Variants in COL25A1 observed in about 807,000 individuals in gnomAD.
COL25A1 encodes the protein collagen type XXV alpha 1 chain.
A neutral mutation model predicts 128.4 loss-of-function variants in COL25A1; 103 were observed. The ratio of observed to expected loss-of-function variants is 0.80; its 90% CI spans 0.68 to 0.94. The LOEUF (loss-of-function observed/expected upper bound fraction) is 0.94. Among genes scored for constraint, COL25A1 ranks in the 40% least tolerant of loss-of-function variants. The pLI, the probability that COL25A1 is intolerant of heterozygous loss-of-function variation, is 0.00. For synonymous variants in COL25A1, 279 were observed against 277.2 expected, an observed-to-expected ratio of 1.01 and a Z score of -0.06; for missense variants, 745 against 840.0, an observed-to-expected ratio of 0.89 and a Z score of 1.40.
rs541477915 is a variant in COL25A1, at chr4:108,824,471, A to G, written c.1792-244T>C. 2.6e-5 allele frequency among the ~76,000 whole-genome samples: 4 copies of G among 152,346 alleles called. No homozygotes were observed. In the South Asian group the frequency reaches 8.3e-4, roughly 32 times the overall value. On this transcript the variant is annotated intron_variant, in intron 34 of 37. Transcript: ENST00000399132. ...AATACAGAGTAGAAAGAATACCAGA[A>G]TACTAGTTTGAATTCTGGCAAGTTC...
chr4:109,128,678 A>C (rs1334885833), intron 3 of COL25A1, among the ~76,000 whole-genome samples: 1 of 152,228 alleles, frequency 6.6e-6, no homozygotes. Context: ...TAGGACAGTC[A>C]CTTGACACTA....
intron 8 of COL25A1, among the ~76,000 whole-genome samples, chr4:108,971,629 C>A (rs1330059510): frequency 6.6e-6 from 1 of 152,142 alleles, no homozygotes; most frequent in Non-Finnish European, 1.5e-5. Context: ...GGAGGCAAGA[C>A]TAGTGTGAGA....
intron 37 of COL25A1, among the ~76,000 whole-genome samples, chr4:108,816,945 A>G (rs997223339): frequency 1.3e-5 from 2 of 152,190 alleles, no homozygotes; most frequent in Non-Finnish European, 2.9e-5. Context: ...AGTTTTTCCT[A>G]CATAAGTCAA....
intron 3 of COL25A1, among the ~76,000 whole-genome samples, chr4:109,225,438 A>G (rs1778737590): frequency 6.6e-6 from 1 of 152,244 alleles, no homozygotes. Flanking sequence ...AGCTATTACT[A>G]AAAAGACAAA....
intron 20 of COL25A1, among the ~76,000 whole-genome samples, chr4:108,868,606 A>AAAAGAAAGAAAGAAAGAAAGAAAG (rs61280631): frequency 4.1e-5 from 6 of 146,972 alleles, no homozygotes; most frequent in African/African-American, 1.3e-4. Flanking sequence ...GAAAGAAAGA[A>AAAAGAAAGAAAGAAAGAAAGAAAG]AAAGAAAGAA....
intron 3 of COL25A1, among the ~76,000 whole-genome samples, chr4:109,171,354 G>C (rs1226295291): frequency 6.6e-6 from 1 of 152,158 alleles, no homozygotes; most frequent in African/African-American, 2.4e-5. Context: ...CCTAATCCCA[G>C]TTTGATAGTA....
At chr4:109,065,112 G>T (rs1762298574) in intron 3 of COL25A1, among the ~76,000 whole-genome samples, 1 of 152,196 alleles carries the variant, frequency 6.6e-6, no homozygotes, top group African/African-American at 2.4e-5. Flanking sequence ...CCTCGGACTG[G>T]ACTGATGGCT....
chr4:109,135,200 G>C (rs1769611939), intron 3 of COL25A1, among the ~76,000 whole-genome samples: 1 of 152,106 alleles, frequency 6.6e-6, no homozygotes, highest in South Asian at 2.1e-4. Context: ...TTTGCCAGAT[G>C]TTCCATGAAG....
chr4:109,077,870 G>A (rs1371013749), intron 3 of COL25A1, among the ~76,000 whole-genome samples: 6 of 152,156 alleles, frequency 3.9e-5, no homozygotes, highest in Non-Finnish European at 7.3e-5. Context: ...CTCCCTACTC[G>A]CTGCTTTTTG....
intron 8 of COL25A1, among the ~76,000 whole-genome samples, chr4:108,972,017 C>T (rs1328415419): frequency 6.6e-6 from 1 of 152,154 alleles, no homozygotes; most frequent in Non-Finnish European, 1.5e-5. Context: ...GTTTTTCCAG[C>T]TTCGATTTAC....
intron 19 of COL25A1, among the ~76,000 whole-genome samples, chr4:108,870,356 G>C (rs1010276609): frequency 4.6e-5 from 7 of 151,074 alleles, no homozygotes; most frequent in Non-Finnish European, 1.0e-4. Context: ...ATTGGGTGGG[G>C]AACAAAAGGA....
chr4:108,920,734 A>G, intron 11 of COL25A1, 130 bp from the exon 12 acceptor site: 1 of 379,306 alleles, frequency 2.6e-6, no homozygotes, highest in Non-Finnish European at 3.9e-6. Flanking sequence ...ATATATCAGG[A>G]AAAAAAAAGA....
At chr4:109,271,624 G>A (rs1388311731) in intron 3 of COL25A1, among the ~76,000 whole-genome samples, 1 of 152,150 alleles carries the variant, frequency 6.6e-6, no homozygotes, top group African/African-American at 2.4e-5. Flanking sequence ...GTTATTGAGT[G>A]TCAGTCACCT....
chr4:109,224,281 T>C (rs1264134415), intron 3 of COL25A1, among the ~76,000 whole-genome samples: 1 of 151,946 alleles, frequency 6.6e-6, no homozygotes, highest in African/African-American at 2.4e-5. Flanking sequence ...AAAGGAAATA[T>C]CAAAAAAAGG....
intron 15 of COL25A1, among the ~76,000 whole-genome samples, chr4:108,897,463 T>C (rs1742276719): frequency 6.6e-6 from 1 of 152,196 alleles, no homozygotes; most frequent in Admixed American, 6.5e-5. Flanking sequence ...CAATATGTTA[T>C]GTGGAAATGT....
intron 3 of COL25A1, among the ~76,000 whole-genome samples, chr4:109,130,064 T>C (rs1023925324): frequency 1.3e-5 from 2 of 150,696 alleles, no homozygotes; most frequent in Non-Finnish European, 1.5e-5. Flanking sequence ...CAGATGAAAA[T>C]TCCTTGGCTT....
chr4:109,245,990 C>T (rs999610530), intron 3 of COL25A1, among the ~76,000 whole-genome samples: 1 of 141,316 alleles, frequency 7.1e-6, no homozygotes, highest in Non-Finnish European at 1.5e-5. Context: ...AGTAGAGGAA[C>T]CTCTAGTTGC....
chr4:108,960,400 T>G (rs1056283394), intron 8 of COL25A1, among the ~76,000 whole-genome samples: 1 of 152,132 alleles, frequency 6.6e-6, no homozygotes, highest in Non-Finnish European at 1.5e-5. Context: ...ATCATGCCTA[T>G]AAGCCATGTT....
intron 3 of COL25A1, among the ~76,000 whole-genome samples, chr4:109,222,832 C>A (rs1308655143): frequency 6.6e-6 from 1 of 152,180 alleles, no homozygotes; most frequent in African/African-American, 2.4e-5. Flanking sequence ...AGATTCTCTA[C>A]AAATCCAACT....
Sources: allele counts gnomAD v4.1 joint callset (sites outside exome capture counted in the v4.1 genomes callset), GRCh38; gene constraint gnomAD v4.1.1; transcripts MANE v1.5; gene names NCBI Gene and HGNC (gene_info 2026-07-23, HGNC 2026-07-21).